The following UNC80 variants were observed in gnomAD, a reference collection of about 807,000 sequenced individuals.
The protein encoded by UNC80 is protein unc-80 homolog.
UNC80 carries 164 observed loss-of-function variants against 384.6 expected under a neutral mutation model. The observed-to-expected ratio is 0.43, with a 90% CI of 0.38 to 0.49. The LOEUF (loss-of-function observed/expected upper bound fraction) is 0.49, where lower values mean the gene tolerates loss of function less well. Ranked by LOEUF, UNC80 falls within the 20% of genes least tolerant of loss-of-function variation. The pLI, the probability that UNC80 is intolerant of heterozygous loss-of-function variation, is 0.00. For missense variants in UNC80, 3,330 were observed against 4,143.0 expected (o/e 0.80, Z 5.39); for synonymous variants, 1,486 against 1,527.8 (o/e 0.97, Z 0.64).
chr2:209,897,318 A>G (rs1452127399), intron 28 of UNC80, among the ~76,000 whole-genome samples: 2 of 152,208 alleles, frequency 1.3e-5, no homozygotes, highest in African/African-American at 4.8e-5. Flanking sequence ...AAGAAATCCT[A>G]CGCAGGTCCT....
intron 7 of UNC80, among the ~76,000 whole-genome samples, chr2:209,804,752 G>GT (rs1207346964): frequency 7.3e-4 from 83 of 113,910 alleles, no homozygotes; most frequent in African/African-American, 2.1e-3. Context: ...AATTTAGAGA[G>GT]TTTTTTTTTT....
chr2:209,978,511 G>A lies in UNC80; in HGVS notation c.8939-18G>A. 6.6e-7 allele frequency: 1 copy of A among 1,508,016 alleles called. No individual in the cohort carries two copies. Among genetic ancestry groups the A allele is most frequent in the Non-Finnish European group, 9.0e-7 (1 of 1,115,008 alleles). 93.4% of individuals were successfully genotyped at this position (1,508,016 alleles called of 1,614,324 possible). On this transcript the variant is annotated intron_variant, in intron 58 of 64. Coordinates refer to ENST00000673920, the MANE Select transcript of UNC80 (RefSeq NM_001371986.1). ...AGATTCTCACCATGCATTTCCTTTG[G>A]TCTCTCGCATCCTCTAGCCTACCAA...
intron 35 of UNC80, among the ~76,000 whole-genome samples, chr2:209,924,174 A>G (rs888221861): frequency 1.3e-5 from 2 of 152,244 alleles, no homozygotes; most frequent in African/African-American, 2.4e-5. Context: ...GGTTTCTTAT[A>G]TGTCTCATAA....
chr2:209,912,456 G>A lies in UNC80; in HGVS notation c.4783-104G>A, dbSNP rs192320116. 480 of 589,494 alleles carry A rather than the reference G, an allele frequency of 8.1e-4. 2 individuals are homozygous for A. The African/African-American group carries it at 8.2e-3, about 10-fold the overall frequency. The allele number at this position is 589,494 out of a possible 1,614,324, so 36.5% of individuals were successfully genotyped here. On this transcript the variant is annotated intron_variant, in intron 29 of 64. Transcript: ENST00000673920. Reference sequence around the variant, plus strand: ...ACCCACAAAAAGGCCTTTAATTATCGCTTCCACTAGAAGATGGTTGCCTGG... The same window carrying A: ...ACCCACAAAAAGGCCTTTAATTATCACTTCCACTAGAAGATGGTTGCCTGG...
intron 18 of UNC80, among the ~76,000 whole-genome samples, chr2:209,835,865 G>T (rs969607033): frequency 1.3e-5 from 2 of 152,150 alleles, no homozygotes; most frequent in Non-Finnish European, 2.9e-5. Context: ...CATAGCAAGC[G>T]AACAAAATCT....
intron 3 of UNC80, among the ~76,000 whole-genome samples, chr2:209,776,527 G>A (rs1378300957): frequency 6.6e-6 from 1 of 152,238 alleles, no homozygotes; most frequent in Non-Finnish European, 1.5e-5. Flanking sequence ...GTTACAGTTA[G>A]CTGGGATCGC....
At chr2:209,815,441 C>A in intron 9 of UNC80, 50 bp downstream of exon 9, 3 of 1,528,004 alleles carry the variant, frequency 2.0e-6, no homozygotes, top group South Asian at 2.4e-5. Flanking sequence ...TAAAAAATGT[C>A]AGTGGGACAT....
intron 47 of UNC80, among the ~76,000 whole-genome samples, chr2:209,953,678 G>A (rs1409458874): frequency 1.3e-5 from 2 of 152,064 alleles, no homozygotes; most frequent in Non-Finnish European, 2.9e-5. Flanking sequence ...AGTTCAGGAA[G>A]CCAGCCTCCC....
At chr2:209,988,235 C>T (rs1428858642) in intron 61 of UNC80, among the ~76,000 whole-genome samples, 2 of 152,118 alleles carry the variant, frequency 1.3e-5, no homozygotes, top group East Asian at 1.9e-4. Context: ...TCAGGGTAAA[C>T]GATGATGCTG....
At position 209,976,679 on chromosome 2, in the gene UNC80, T is replaced by C. The variant is rs752831223; in HGVS notation, c.8773-234T>C. On this transcript the variant is annotated intron_variant, in intron 57 of 64. Coordinates refer to ENST00000673920, the MANE Select transcript of UNC80 (RefSeq NM_001371986.1). This position sits in a 1 kb window ranked among gnomAD's most constrained non-coding sequence, Gnocchi z 4.3. ...AAAAACATAGGATACTTAACGTATG[T>C]TTTTCCTCCAAGACCCTCGGTACCC... is the stretch of plus-strand genomic sequence containing the variant. 3.3e-5 allele frequency among the ~76,000 whole-genome samples: 5 copies of C among 152,154 alleles called. No homozygotes were observed. The highest frequency in any genetic ancestry group is 1.5e-5 in the Non-Finnish European group (1 of 68,036).
chr2:209,995,581 G>A lies in UNC80; in HGVS notation c.9961G>A (p.Glu3321Lys). ...GGGGAAAACGGATGCAGTATTAGATGAGTCTCATGTTTAATTCTGTATCTT... is the reference window on the plus strand; with the variant it reads ...GGGGAAAACGGATGCAGTATTAGATAAGTCTCATGTTTAATTCTGTATCTT... ...ELGKTDAVLD[E>K]SHV Residue 3321 changes from glutamate (E) to lysine (K), a missense_variant, in exon 65 of 65, where the codon GAG becomes AAG. Glu to Lys is a moderately conservative substitution (Grantham distance 56, BLOSUM62 1). This residue lies in a region of UNC80 where 236 missense variants were observed against 254.9 expected (regional missense o/e 0.93). Coordinates refer to ENST00000673920, the MANE Select transcript of UNC80 (RefSeq NM_001371986.1). 6.4e-7 allele frequency: 1 copy of A among 1,552,002 alleles called. No homozygotes were observed. Among genetic ancestry groups the A allele is most frequent in the Non-Finnish European group, 8.7e-7 (1 of 1,147,072 alleles).
At chr2:209,955,692 A>AATATATATATATAT (rs57804600) in intron 48 of UNC80, among the ~76,000 whole-genome samples, 9 of 51,604 alleles carry the variant, frequency 1.7e-4, no homozygotes, top group Non-Finnish European at 2.3e-4. Context: ...CTGTATTTCT[A>AATATATATATATAT]ATATATATAT....
At chr2:209,950,706 G>A (rs997704417) in intron 47 of UNC80, among the ~76,000 whole-genome samples, 2 of 151,938 alleles carry the variant, frequency 1.3e-5, no homozygotes, top group African/African-American at 2.4e-5. Context: ...TTACAGGCAT[G>A]TGCCACCACA....
rs910824187 is a variant in UNC80 at position 209,829,704 on chromosome 2, C to G, written c.2626+325C>G. ...CTCATATAACATTCTGTTATATGAC[C>G]TCTGAGGCAGTGATCATGTTCATTA... On this transcript the variant is annotated intron_variant, in intron 15 of 64. Transcript: ENST00000673920. Among the ~76,000 whole-genome samples the G allele has an allele frequency of 3.3e-5, 5 of 152,142 alleles. No individual in the cohort carries two copies. In the South Asian group the frequency reaches 1.0e-3, roughly 32 times the overall value.
intron 7 of UNC80, chr2:209,808,717 T>G: frequency 9.4e-6 from 1 of 106,060 alleles, no homozygotes; most frequent in African/African-American, 3.7e-5. Context: ...GCGGAGCGGC[T>G]GCACTCATTG....
intron 36 of UNC80, among the ~76,000 whole-genome samples, chr2:209,927,334 C>T (rs1343741600): frequency 1.3e-5 from 2 of 152,146 alleles, no homozygotes; most frequent in Non-Finnish European, 2.9e-5. Context: ...ATCTCTCTTA[C>T]GTGATTACCT....
intron 33 of UNC80, 29 bp downstream of exon 33, chr2:209,918,692 G>A: frequency 6.6e-7 from 1 of 1,520,868 alleles, no homozygotes; most frequent in Non-Finnish European, 8.9e-7. Flanking sequence ...CAGGTTCCAT[G>A]GTGTACGTGT....
intron 28 of UNC80, 130 bp downstream of exon 28, chr2:209,896,543 A>G: frequency 1.3e-6 from 1 of 762,818 alleles, no homozygotes; most frequent in Non-Finnish European, 2.2e-6. Context: ...GCAGGGGCTT[A>G]TGTTTTACCT....
Position 209,881,067 on chromosome 2 carries a change from G to T in UNC80, c.4083G>T (p.Leu1361=). 1 of 1,551,644 alleles carries T rather than the reference G, an allele frequency of 6.4e-7. No homozygotes were observed. The highest frequency in any genetic ancestry group is 1.4e-5 in the African/African-American group (1 of 73,142). ...TCCTGCGAGAGACCTTTTCTTGCCT[G>T]CCCAGACCTCGCACTGAGCCTCTGG... is the stretch of plus-strand genomic sequence containing the variant. ...TTFLRETFSC[L]PRPRTEPLVD... is the part of the protein sequence containing the mutation. Residue 1361 remains leucine, a synonymous_variant, in exon 25 of 65, where the codon CTG becomes CTT. Coordinates refer to ENST00000673920, the MANE Select transcript of UNC80 (RefSeq NM_001371986.1).
Sources: allele counts gnomAD v4.1 joint callset (sites outside exome capture counted in the v4.1 genomes callset), GRCh38; gene constraint gnomAD v4.1.1; regional missense constraint gnomAD v4.1.1; non-coding constraint Gnocchi (gnomAD v3.1); transcripts MANE v1.5; gene names NCBI Gene and HGNC (gene_info 2026-07-23, HGNC 2026-07-21).